SKAP1: variants seen among roughly 807,000 people sequenced by gnomAD.
SKAP1 encodes the protein src kinase associated phosphoprotein 1.
In SKAP1, 44 loss-of-function variants were observed where a neutral mutation model predicts 58.5. The ratio of observed to expected loss-of-function variants is 0.75; its 90% CI spans 0.59 to 0.97. The LOEUF (loss-of-function observed/expected upper bound fraction) is 0.97. Ranked by LOEUF, SKAP1 falls within the 50% of genes least tolerant of loss-of-function variation. The pLI is 0.00. For missense variants in SKAP1, 390 were observed against 435.2 expected (o/e 0.90, Z 0.92); for synonymous variants, 127 against 149.7 (o/e 0.85, Z 1.11).
chr17:48,426,338 G>A (rs2067853210), intron 1 of SKAP1, among the ~76,000 whole-genome samples: 1 of 152,212 alleles, frequency 6.6e-6, no homozygotes, highest in African/African-American at 2.4e-5. Flanking sequence ...TTCTGGGCAG[G>A]ATTTAGTACC....
chr17:48,371,793 T>C (rs1234417267), intron 2 of SKAP1, among the ~76,000 whole-genome samples: 1 of 142,718 alleles, frequency 7.0e-6, no homozygotes, highest in Non-Finnish European at 1.5e-5. Flanking sequence ...GCCATGATCA[T>C]ACCACTGCAC....
chr17:48,318,457 G>A (rs1338924108), intron 4 of SKAP1, among the ~76,000 whole-genome samples: 1 of 152,166 alleles, frequency 6.6e-6, no homozygotes, highest in Non-Finnish European at 1.5e-5. Context: ...GACACACTAA[G>A]CTACTTACAC....
chr17:48,288,642 A>G (rs1243110115), intron 4 of SKAP1, among the ~76,000 whole-genome samples: 1 of 152,162 alleles, frequency 6.6e-6, no homozygotes, highest in Non-Finnish European at 1.5e-5. Context: ...GCCGAGACTG[A>G]GCCACTGCAC....
At chr17:48,166,277 G>A (rs931908884) in intron 10 of SKAP1, among the ~76,000 whole-genome samples, 3 of 152,138 alleles carry the variant, frequency 2.0e-5, no homozygotes, top group Non-Finnish European at 4.4e-5. Context: ...AATAGCAACA[G>A]AACAAGTTAA....
At chr17:48,172,863 A>G (rs939674873) in intron 9 of SKAP1, among the ~76,000 whole-genome samples, 3 of 152,142 alleles carry the variant, frequency 2.0e-5, no homozygotes, top group Non-Finnish European at 4.4e-5. Context: ...TTAAAGGAGT[A>G]ATTGATTTCA....
At chr17:48,235,228 C>T (rs1192983626) in intron 4 of SKAP1, among the ~76,000 whole-genome samples, 1 of 151,966 alleles carries the variant, frequency 6.6e-6, no homozygotes, top group Non-Finnish European at 1.5e-5. Flanking sequence ...GGGGAATGAG[C>T]AGCAAAGGGA....
At chr17:48,329,354 A>G (rs968725203) in intron 4 of SKAP1, among the ~76,000 whole-genome samples, 5 of 152,246 alleles carry the variant, frequency 3.3e-5, no homozygotes, top group African/African-American at 9.6e-5. Context: ...TGCTTTTTAA[A>G]GTAACTCCGG....
chr17:48,336,423 G>A (rs1336041863), intron 4 of SKAP1, among the ~76,000 whole-genome samples: 1 of 152,172 alleles, frequency 6.6e-6, no homozygotes, highest in Admixed American at 6.5e-5. Flanking sequence ...GACAGGGGCA[G>A]AGTGAGGTAA....
intron 4 of SKAP1, among the ~76,000 whole-genome samples, chr17:48,284,272 A>G (rs2065803145): frequency 6.6e-6 from 1 of 152,232 alleles, no homozygotes; most frequent in Non-Finnish European, 1.5e-5. Flanking sequence ...GATAAGAAAT[A>G]ATTTCTGGAG....
At chr17:48,197,255 C>CT (rs2064647483) in intron 4 of SKAP1, among the ~76,000 whole-genome samples, 1 of 42,258 alleles carries the variant, frequency 2.4e-5, no homozygotes, top group Non-Finnish European at 5.4e-5. Flanking sequence ...GAGACTCCGA[C>CT]TCAAAAAAAA....
chr17:48,401,499 G>C (rs1347927753), intron 1 of SKAP1, among the ~76,000 whole-genome samples: 1 of 152,036 alleles, frequency 6.6e-6, no homozygotes, highest in Non-Finnish European at 1.5e-5. Flanking sequence ...TTTTGCAAGA[G>C]GGTCAAGACA....
chr17:48,297,205 T>G (rs919797471), intron 4 of SKAP1, among the ~76,000 whole-genome samples: 1 of 152,176 alleles, frequency 6.6e-6, no homozygotes, highest in Non-Finnish European at 1.5e-5. Flanking sequence ...TATAAATCAG[T>G]CTCTCTAATC....
intron 10 of SKAP1, among the ~76,000 whole-genome samples, chr17:48,167,405 T>C (rs1028741783): frequency 2.0e-5 from 3 of 152,168 alleles, no homozygotes; most frequent in Non-Finnish European, 4.4e-5. Flanking sequence ...TAATTTTAGC[T>C]GGTTAATAAT....
intron 1 of SKAP1, among the ~76,000 whole-genome samples, chr17:48,418,922 G>A (rs990957663): frequency 1.3e-5 from 2 of 152,182 alleles, no homozygotes; most frequent in Non-Finnish European, 2.9e-5. Flanking sequence ...AACTTTCTAG[G>A]GGGATGGAAG....
intron 11 of SKAP1, among the ~76,000 whole-genome samples, chr17:48,158,576 A>AAAG (rs1173310309): frequency 6.7e-6 from 1 of 149,204 alleles, no homozygotes; most frequent in Non-Finnish European, 1.5e-5. Context: ...TCAAAAAAAA[A>AAAG]AAAAAAAAGA....
intron 2 of SKAP1, among the ~76,000 whole-genome samples, chr17:48,379,977 C>T (rs566756449): frequency 2.6e-4 from 39 of 152,168 alleles, no homozygotes; most frequent in Middle Eastern, 3.4e-3. Flanking sequence ...CCACCGTGCC[C>T]GGCCTAAAGT....
intron 4 of SKAP1, among the ~76,000 whole-genome samples, chr17:48,222,920 T>C (rs955928746): frequency 1.3e-5 from 2 of 150,436 alleles, no homozygotes; most frequent in African/African-American, 4.9e-5. Context: ...AAAAATTAGC[T>C]GGGCGTGGAG....
At chr17:48,438,654 A>T in the SKAP1 span, among the ~76,000 whole-genome samples, 213 of 152,272 alleles carry the variant, frequency 1.4e-3, 1 homozygote, top group African/African-American at 4.9e-3. Flanking sequence ...TCCAAACCAC[A>T]TGGGGGAAAC....
At chr17:48,185,214 A>G (rs779734562) in intron 6 of SKAP1, 7 of 186,686 alleles carry the variant, frequency 3.7e-5, no homozygotes, top group Non-Finnish European at 6.6e-5. Context: ...CATTATTATC[A>G]GGGCCAGCAG....
Sources: gnomAD v4.1 joint callset for allele counts (sites outside exome capture counted in the v4.1 genomes callset) on GRCh38, gnomAD v4.1.1 for gene constraint, MANE v1.5 for transcripts, NCBI Gene and HGNC (gene_info 2026-07-23, HGNC 2026-07-21) for gene names.